Variants in ALG9 observed in about 807,000 individuals in gnomAD.
The protein encoded by ALG9 is ALG9 alpha-1,2-mannosyltransferase.
ALG9 carries 55 observed loss-of-function variants against 81.8 expected under a neutral mutation model. That is an observed-to-expected ratio of 0.67 (90% confidence interval 0.54 to 0.84). The LOEUF is 0.84. ALG9 is among the 40% of genes least tolerant of loss of function. The pLI is 0.00. For missense variants in ALG9, 629 were observed against 745.0 expected (o/e 0.84, Z 1.81); for synonymous variants, 278 against 274.3 (o/e 1.01, Z -0.13).
chr11:111,834,185 A>G (rs1411434528), intron 13 of ALG9, among the ~76,000 whole-genome samples: 1 of 152,250 alleles, frequency 6.6e-6, no homozygotes, highest in Non-Finnish European at 1.5e-5. Context: ...AATACTGAAG[A>G]CACTTAAAGG....
At chr11:111,848,580 A>C (rs1417213505) in intron 8 of ALG9, among the ~76,000 whole-genome samples, 8 of 148,814 alleles carry the variant, frequency 5.4e-5, no homozygotes, top group Admixed American at 4.0e-4. Flanking sequence ...ACAAGAGCAA[A>C]ACTCCATCTC....
At chr11:111,821,255 C>T (rs1167760090) in intron 13 of ALG9, among the ~76,000 whole-genome samples, 1 of 152,100 alleles carries the variant, frequency 6.6e-6, no homozygotes, top group African/African-American at 2.4e-5. Flanking sequence ...CCACGGGAGG[C>T]TTCTGTCCTC....
intron 5 of ALG9, among the ~76,000 whole-genome samples, chr11:111,858,779 G>C (rs1408161811): frequency 2.6e-5 from 4 of 152,198 alleles, no homozygotes; most frequent in Admixed American, 6.5e-5. Flanking sequence ...TTAATAGGCA[G>C]TGAGGTTTTT....
Position 111,826,401 on chromosome 11 carries a change from A to C in ALG9, c.1602+9764T>G, listed in dbSNP as rs377132801. On this transcript the variant is annotated intron_variant, in intron 13 of 14. Coordinates refer to ENST00000616540, the MANE Select transcript of ALG9 (RefSeq NM_024740.2). ...AATATATCCAGAGTTTAAAAAAAAA[A>C]AACAAAAAAAAACTTAGTACAAGAA... 6.6e-3 allele frequency among the ~76,000 whole-genome samples: 998 copies of C among 151,840 alleles called. 7 individuals are homozygous for C. Among genetic ancestry groups the C allele is most frequent in the Middle Eastern group, 0.051 (15 of 294 alleles).
intron 14 of ALG9, among the ~76,000 whole-genome samples, chr11:111,807,560 C>T (rs879973282): frequency 5.9e-5 from 9 of 152,172 alleles, no homozygotes; most frequent in Non-Finnish European, 1.0e-4. Context: ...TACTATATAA[C>T]TTATTTTCTT....
intron 8 of ALG9, among the ~76,000 whole-genome samples, chr11:111,851,331 T>C (rs1181165820): frequency 6.6e-6 from 1 of 151,876 alleles, no homozygotes; most frequent in Non-Finnish European, 1.5e-5. Context: ...ATATAAAAAT[T>C]AGAAGGGTGT....
intron 14 of ALG9, among the ~76,000 whole-genome samples, chr11:111,807,604 G>T (rs1484597975): frequency 2.0e-5 from 3 of 152,058 alleles, no homozygotes; most frequent in African/African-American, 7.2e-5. Flanking sequence ...CCTCCAAACA[G>T]TAAGCTTCAC....
intron 14 of ALG9, among the ~76,000 whole-genome samples, chr11:111,802,683 A>C (rs1404366865): frequency 2.6e-5 from 4 of 152,182 alleles, no homozygotes; most frequent in Non-Finnish European, 4.4e-5. Flanking sequence ...TTAAAAAAAA[A>C]CACCCCGGTT....
rs782311979 is a variant in ALG9 at position 111,865,243 on chromosome 11, C to T, written c.414G>A (p.Val138=). 2 of 1,551,600 alleles carry T rather than the reference C, an allele frequency of 1.3e-6. No individual in the cohort carries two copies. Among genetic ancestry groups the T allele is most frequent in the Non-Finnish European group, 1.7e-6 (2 of 1,147,156 alleles). Reference sequence around the variant, plus strand: ...CCAGAAGACATCGCAAAAAGTAAAACACAAGAATCTAAAAGAAACCCAGAA... The same window carrying T: ...CCAGAAGACATCGCAAAAAGTAAAATACAAGAATCTAAAAGAAACCCAGAA... The part of the protein sequence containing the change: ...ARILQTNKIL[V]FYFLRCLLAF... The change falls in exon 4 of 15, where the codon GTG becomes GTA. Residue 138 remains valine, a synonymous_variant. Transcript: ENST00000616540.
intron 3 of ALG9, among the ~76,000 whole-genome samples, chr11:111,866,742 G>C (rs1555153442): frequency 6.6e-6 from 1 of 151,182 alleles, no homozygotes; most frequent in Non-Finnish European, 1.5e-5. Flanking sequence ...CACATTGTTA[G>C]TTTTCTGCTG....
chr11:111,858,902 A>G (rs995819933), intron 5 of ALG9, among the ~76,000 whole-genome samples: 25 of 152,322 alleles, frequency 1.6e-4, no homozygotes, highest in African/African-American at 5.5e-4. Flanking sequence ...CTACATATAA[A>G]GATCAATTGT....
intron 14 of ALG9, among the ~76,000 whole-genome samples, chr11:111,807,902 T>C (rs909200223): frequency 3.8e-4 from 58 of 152,222 alleles, no homozygotes; most frequent in Middle Eastern, 3.4e-3. Flanking sequence ...TTGGGCAATA[T>C]GGCAAAACCA....
At chr11:111,871,036 C>A in intron 1 of ALG9, 2 of 1,087,970 alleles carry the variant, frequency 1.8e-6, no homozygotes, top group Admixed American at 5.3e-5. Flanking sequence ...CTGTGAGGAA[C>A]AGCCGTAAAA....
chr11:111,840,724 C>CTCTT lies in ALG9; in HGVS notation c.1100_1103dup (p.Glu369ArgfsTer81). 6.2e-7 allele frequency: 1 copy of CTCTT among 1,614,046 alleles called. No homozygotes were observed. The highest frequency in any genetic ancestry group is 8.5e-7 in the Non-Finnish European group (1 of 1,179,990). ...GATACACAGGGAAAAGAAATCTCTC[C>CTCTT]TCTTTGTGAGGCTGGATGAAGAAAA... On this transcript the variant is annotated frameshift_variant, in exon 10 of 15. Transcript: ENST00000616540. LOFTEE classifies it high-confidence loss of function.
intron 13 of ALG9, among the ~76,000 whole-genome samples, chr11:111,822,811 T>C (rs1400361085): frequency 1.3e-5 from 2 of 151,858 alleles, no homozygotes; most frequent in Non-Finnish European, 1.5e-5. Flanking sequence ...TCACCTGAGG[T>C]TGGGAGTTCA....
chr11:111,864,508 G>A, intron 4 of ALG9: 1 of 681,160 alleles, frequency 1.5e-6, no homozygotes. Context: ...TGATCCAGTG[G>A]ATATTCAAAA....
chr11:111,836,413 C>T, intron 12 of ALG9, 119 bp from the exon 13 acceptor site: 1 of 1,321,224 alleles, frequency 7.6e-7, no homozygotes, highest in Non-Finnish European at 1.1e-6. Context: ...AAAAATATTT[C>T]TGCTAAAACC....
intron 10 of ALG9, among the ~76,000 whole-genome samples, chr11:111,838,976 G>C (rs1180406071): frequency 1.3e-5 from 2 of 151,832 alleles, no homozygotes; most frequent in African/African-American, 4.8e-5. Context: ...TTCCCTTCTA[G>C]ACAGAAACTA....
At chr11:111,818,519 C>G (rs189120345) in intron 13 of ALG9, among the ~76,000 whole-genome samples, 1 of 152,308 alleles carries the variant, frequency 6.6e-6, no homozygotes, top group Non-Finnish European at 1.5e-5. Flanking sequence ...ACTCGTGGAA[C>G]ATTCCCTGTT....
Sources: gnomAD v4.1 joint callset for allele counts (sites outside exome capture counted in the v4.1 genomes callset) on GRCh38, gnomAD v4.1.1 for gene constraint, MANE v1.5 for transcripts, NCBI Gene and HGNC (gene_info 2026-07-23, HGNC 2026-07-21) for gene names.